The following RFTN2 variants were observed in gnomAD, a reference collection of about 807,000 sequenced individuals.
The protein encoded by RFTN2 is raftlin-2.
A neutral mutation model predicts 52.7 loss-of-function variants in RFTN2; 34 were observed. The ratio of observed to expected loss-of-function variants is 0.64; its 90% CI spans 0.49 to 0.86. RFTN2 has a LOEUF of 0.86. RFTN2 is among the 40% of genes least tolerant of loss of function. The pLI is 0.00. For missense variants in RFTN2, 536 were observed against 600.1 expected (o/e 0.89, Z 1.12); for synonymous variants, 203 against 217.7 (o/e 0.93, Z 0.59).
At chr2:197,590,885 G>C (rs934393783) in intron 8 of RFTN2, among the ~76,000 whole-genome samples, 4 of 152,190 alleles carry the variant, frequency 2.6e-5, no homozygotes, top group Admixed American at 2.6e-4. Flanking sequence ...CAAAGAGGGA[G>C]CAGCAGCACA....
rs764345696 is a variant in RFTN2 at position 197,646,655 on chromosome 2, G to C, written c.151C>G (p.Pro51Ala). 1.9e-6 allele frequency: 3 copies of C among 1,609,518 alleles called. No homozygotes were observed. Among genetic ancestry groups the C allele is most frequent in the African/African-American group, 2.7e-5 (2 of 74,636 alleles). The change falls in exon 2 of 9, where the codon CCA becomes GCA. Residue 51 changes from proline to alanine, a missense_variant. By Grantham distance (27) the Pro-to-Ala change is conservative. Coordinates refer to ENST00000295049, the MANE Select transcript of RFTN2 (RefSeq NM_144629.3). ...ATTGAATTTATCTTGATGACTTCTG[G>C]GTTTGATGAAGCTGAAATATCAAAA... The part of the protein sequence containing the change: ...LDFTLQASSN[P>A]EVIKINSILD...
intron 7 of RFTN2, among the ~76,000 whole-genome samples, chr2:197,608,899 T>C (rs975686711): frequency 1.3e-5 from 2 of 152,268 alleles, no homozygotes; most frequent in East Asian, 3.9e-4. Flanking sequence ...TTTCTCTTCT[T>C]GTGTTACTTT....
chr2:197,616,268 C>CATTTTATTTT (rs60073189), intron 6 of RFTN2, among the ~76,000 whole-genome samples: 1,641 of 60,802 alleles, frequency 0.027, 68 homozygotes, highest in Middle Eastern at 0.047. Context: ...TGGGAATCTG[C>CATTTTATTTT]ATTTTATTTT....
At chr2:197,627,105 G>A (rs956435597) in intron 5 of RFTN2, among the ~76,000 whole-genome samples, 1 of 152,288 alleles carries the variant, frequency 6.6e-6, no homozygotes, top group African/African-American at 2.4e-5. Flanking sequence ...GAGCCATACT[G>A]TTGCTTGCCT....
At chr2:197,644,872 C>G (rs2088726150) in intron 2 of RFTN2, among the ~76,000 whole-genome samples, 1 of 152,160 alleles carries the variant, frequency 6.6e-6, no homozygotes. Flanking sequence ...CTGTACACAC[C>G]CTGCCAGACA....
intron 5 of RFTN2, among the ~76,000 whole-genome samples, chr2:197,619,442 C>T (rs1469088586): frequency 1.3e-5 from 2 of 152,108 alleles, no homozygotes; most frequent in East Asian, 1.9e-4. Flanking sequence ...GGTGACCTTA[C>T]CCCCAACCCT....
In RFTN2 at chr2:197,571,294, T is replaced by C. The variant is rs1022918808; in HGVS notation, c.*714A>G. On this transcript the variant is annotated 3_prime_UTR_variant, in exon 9 of 9. Coordinates refer to ENST00000295049, the MANE Select transcript of RFTN2 (RefSeq NM_144629.3). ...CTACTAAGGTATTTATGTATTGAGA[T>C]TATGGGTTCTTTTCATATTGAATTT... is the stretch of plus-strand genomic sequence containing the variant. 6.6e-6 allele frequency: 1 copy of C among 152,276 alleles called. No individual in the cohort carries two copies. Among genetic ancestry groups the C allele is most frequent in the Non-Finnish European group, 1.5e-5 (1 of 68,034 alleles). 9.4% of individuals were successfully genotyped at this position (152,276 alleles called of 1,614,324 possible).
chr2:197,621,313 G>A (rs2088259969), intron 5 of RFTN2, among the ~76,000 whole-genome samples: 1 of 151,140 alleles, frequency 6.6e-6, no homozygotes, highest in Admixed American at 6.6e-5. Flanking sequence ...GGCTCCAGGT[G>A]TGTTTTCTTG....
At chr2:197,589,901 C>T (rs1321098340) in intron 8 of RFTN2, among the ~76,000 whole-genome samples, 1 of 151,868 alleles carries the variant, frequency 6.6e-6, no homozygotes, top group Non-Finnish European at 1.5e-5. Flanking sequence ...TGCTTTTGGT[C>T]TTATGTCTAA....
chr2:197,582,430 C>CCCCATA, intron 8 of RFTN2, among the ~76,000 whole-genome samples: 1 of 152,314 alleles, frequency 6.6e-6, no homozygotes, highest in East Asian at 1.9e-4. Context: ...ATATTTCCTT[C>CCCCATA]TTTCCTATTC....
rs563796539 is a variant in RFTN2, at chr2:197,626,078, C to T, written c.928+4933G>A. 5.8e-4 allele frequency among the ~76,000 whole-genome samples: 88 copies of T among 152,188 alleles called. 2 individuals are homozygous for T. In the South Asian group the frequency reaches 8.3e-3, roughly 14 times the overall value. On this transcript the variant is annotated intron_variant, in intron 5 of 8. Transcript: ENST00000295049. ...TGCTGGGATTACAAGCGTGAGCCACCGCACCTTGCTAGAAATTCTTTAAAA... is the reference window on the plus strand; with the variant it reads ...TGCTGGGATTACAAGCGTGAGCCACTGCACCTTGCTAGAAATTCTTTAAAA...
Position 197,658,980 on chromosome 2 carries a change from CTT to C in RFTN2, c.140-12316_140-12315del, listed in dbSNP as rs1397696882. On this transcript the variant is annotated intron_variant, in intron 1 of 8. Coordinates refer to ENST00000295049, the MANE Select transcript of RFTN2 (RefSeq NM_144629.3). The stretch of plus-strand genomic sequence containing the variant: ...TAGTTTCTAAAATAAACATCAAAGA[CTT>C]TATGCTCTTTTGCTTAAAAGCTTCA... Among the ~76,000 whole-genome samples, 7 of 152,176 alleles carry C rather than the reference CTT, an allele frequency of 4.6e-5. No homozygotes were observed. The South Asian group carries it at 8.3e-4, about 18-fold the overall frequency.
intron 8 of RFTN2, among the ~76,000 whole-genome samples, chr2:197,579,020 T>C (rs1195664396): frequency 6.6e-6 from 1 of 152,210 alleles, no homozygotes; most frequent in Non-Finnish European, 1.5e-5. Context: ...CTCTCCCTTC[T>C]CTTAATGTCA....
intron 5 of RFTN2, among the ~76,000 whole-genome samples, chr2:197,626,283 T>C (rs577502768): frequency 2.6e-5 from 4 of 151,792 alleles, no homozygotes; most frequent in Non-Finnish European, 5.9e-5. Flanking sequence ...AGAATAAGCA[T>C]GGCCTGGCAC....
chr2:197,632,631 C>T (rs183892913), intron 4 of RFTN2, among the ~76,000 whole-genome samples: 3 of 152,218 alleles, frequency 2.0e-5, no homozygotes, highest in African/African-American at 7.2e-5. Context: ...TTTTACATTG[C>T]AGAAAAATCA....
chr2:197,629,069 A>G (rs2088416814), intron 5 of RFTN2, among the ~76,000 whole-genome samples: 1 of 152,214 alleles, frequency 6.6e-6, no homozygotes, highest in Non-Finnish European at 1.5e-5. Flanking sequence ...TAGAAATATC[A>G]TTTGACCCAG....
intron 7 of RFTN2, among the ~76,000 whole-genome samples, chr2:197,600,466 T>G (rs1316629345): frequency 6.6e-6 from 1 of 152,204 alleles, no homozygotes; most frequent in Admixed American, 6.5e-5. Context: ...TCAGACCAGC[T>G]GTGAGACCAT....
At chr2:197,668,246 T>C (rs2089089534) in intron 1 of RFTN2, among the ~76,000 whole-genome samples, 1 of 152,070 alleles carries the variant, frequency 6.6e-6, no homozygotes, top group African/African-American at 2.4e-5. Context: ...CTCTGGCATG[T>C]TGAGGGGAGT....
chr2:197,664,401 A>G (rs1046212070), intron 1 of RFTN2, among the ~76,000 whole-genome samples: 1 of 151,702 alleles, frequency 6.6e-6, no homozygotes, highest in Non-Finnish European at 1.5e-5. Flanking sequence ...GTTTGAGCCC[A>G]GGAAGTTGAT....
Sources: allele counts gnomAD v4.1 joint callset (sites outside exome capture counted in the v4.1 genomes callset), GRCh38; gene constraint gnomAD v4.1.1; transcripts MANE v1.5; gene names NCBI Gene and HGNC (gene_info 2026-07-23, HGNC 2026-07-21).